ANK2: variants seen among roughly 807,000 people sequenced by gnomAD.
ANK2 encodes ankyrin-2.
In ANK2, 83 loss-of-function variants were observed where a neutral mutation model predicts 360.5. That is an observed-to-expected ratio of 0.23 (90% CI 0.19 to 0.28). ANK2 has a LOEUF of 0.28. Ranked by LOEUF, ANK2 falls within the 10% of genes least tolerant of loss-of-function variation. The probability of loss-of-function intolerance (pLI) is 1.00; values close to 1 mark genes in which losing one functional copy is unlikely to be tolerated. For synonymous variants in ANK2, 1,740 were observed against 1,759.5 expected, an observed-to-expected ratio of 0.99 and a Z score of 0.28; for missense variants, 4,201 against 4,795.7, an observed-to-expected ratio of 0.88 and a Z score of 3.66.
At chr4:112,935,069 G>A in intron 2 of ANK2, among the ~76,000 whole-genome samples, 1 of 151,932 alleles carries the variant, frequency 6.6e-6, no homozygotes, top group East Asian at 1.9e-4. Flanking sequence ...AGCATTCACT[G>A]TGGCTGGAGT....
the ANK2 span, among the ~76,000 whole-genome samples, chr4:112,773,266 G>A: frequency 6.6e-5 from 10 of 152,284 alleles, 1 homozygote; most frequent in South Asian, 4.1e-4. Flanking sequence ...GTGGTGAGCC[G>A]TGATCGTGCT....
chr4:113,379,864 G>A (rs1230307917), intron 45 of ANK2, among the ~76,000 whole-genome samples: 1 of 152,162 alleles, frequency 6.6e-6, no homozygotes, highest in Non-Finnish European at 1.5e-5. Flanking sequence ...CAAATGCATA[G>A]AGGTATTGGA....
chr4:112,885,796 CAAAAAA>C (rs750277917), intron 1 of ANK2, among the ~76,000 whole-genome samples: 17 of 26,972 alleles, frequency 6.3e-4, no homozygotes, highest in African/African-American at 1.6e-3. Context: ...GACTCTGTCT[CAAAAAA>C]AAAAAAAAAA....
chr4:113,348,872 C>T (rs898125094), intron 36 of ANK2, among the ~76,000 whole-genome samples: 1 of 152,044 alleles, frequency 6.6e-6, no homozygotes, highest in Non-Finnish European at 1.5e-5. Context: ...TATCACACAC[C>T]ATCGGAAGTT....
At chr4:113,161,834 A>T (rs1014010630) in intron 1 of ANK2, among the ~76,000 whole-genome samples, 1 of 152,240 alleles carries the variant, frequency 6.6e-6, no homozygotes, top group East Asian at 1.9e-4. Context: ...CAGGGGCATT[A>T]CAAGAGGCCC....
the ANK2 span, among the ~76,000 whole-genome samples, chr4:112,713,940 A>AC: frequency 4.9e-4 from 74 of 151,202 alleles, no homozygotes; most frequent in Non-Finnish European, 8.7e-4. Context: ...TCTCAAAAAA[A>AC]AAAACAAAAA....
At chr4:112,770,631 G>C in the ANK2 span, among the ~76,000 whole-genome samples, 5 of 151,928 alleles carry the variant, frequency 3.3e-5, no homozygotes, top group Non-Finnish European at 7.4e-5. Context: ...GCTTGAACTT[G>C]GGAGGCAGAG....
intron 26 of ANK2, among the ~76,000 whole-genome samples, chr4:113,324,926 C>T (rs1330673154): frequency 6.6e-6 from 1 of 152,142 alleles, no homozygotes; most frequent in African/African-American, 2.4e-5. Context: ...GGATGTAGTC[C>T]TCAAATGACT....
At chr4:113,241,124 A>C (rs2039610725) in intron 8 of ANK2, among the ~76,000 whole-genome samples, 1 of 152,252 alleles carries the variant, frequency 6.6e-6, no homozygotes, top group Non-Finnish European at 1.5e-5. Context: ...CTTAATATAC[A>C]GTTAATGCAG....
At chr4:113,309,480 C>T (rs988570902) in intron 23 of ANK2, among the ~76,000 whole-genome samples, 1 of 152,098 alleles carries the variant, frequency 6.6e-6, no homozygotes, top group Non-Finnish European at 1.5e-5. Flanking sequence ...AGGAACTCAG[C>T]GTAATCAGAG....
the ANK2 span, among the ~76,000 whole-genome samples, chr4:112,778,527 A>G: frequency 6.6e-6 from 1 of 152,222 alleles, no homozygotes; most frequent in Non-Finnish European, 1.5e-5. Flanking sequence ...GGAGGATACA[A>G]TGAAATCCAT....
chr4:113,339,226 G>A lies in ANK2; in HGVS notation c.3797G>A (p.Gly1266Asp). ...TTTTTCAACAATCATATTATTTCAGGTGGAACCACCCCTGCCCAGTGGGAA... is the reference window on the plus strand; with the variant it reads ...TTTTTCAACAATCATATTATTTCAGATGGAACCACCCCTGCCCAGTGGGAA... ...PTLRLLCSIT[G>D]GTTPAQWEDI... The change falls in exon 32 of 46, where the codon GGT becomes GAT. Residue 1266 changes from glycine (G) to aspartate (D), a missense_variant and splice_region_variant. By Grantham distance (94) the Gly-to-Asp change is moderately conservative. Transcript: ENST00000357077. The A allele has an allele frequency of 6.2e-7, 1 of 1,611,830 alleles. No homozygotes were observed. Among genetic ancestry groups the A allele is most frequent in the Non-Finnish European group, 8.5e-7 (1 of 1,178,340 alleles).
chr4:113,333,510 T>G (rs1448007811), intron 29 of ANK2, among the ~76,000 whole-genome samples: 1 of 152,184 alleles, frequency 6.6e-6, no homozygotes, highest in Admixed American at 6.5e-5. Flanking sequence ...TAAACTTTTT[T>G]GAGCCGAAAA....
chr4:113,145,808 C>T (rs2096807243), intron 1 of ANK2: 5 of 1,279,060 alleles, frequency 3.9e-6, no homozygotes, highest in South Asian at 1.3e-5. Flanking sequence ...CCCCTGGGAG[C>T]CCTGGACAGA....
At chr4:112,876,149 T>G (rs1031313298) in intron 1 of ANK2, among the ~76,000 whole-genome samples, 1 of 152,104 alleles carries the variant, frequency 6.6e-6, no homozygotes, top group African/African-American at 2.4e-5. Context: ...TTTCAATGCT[T>G]TTATTCAGAT....
At chr4:113,310,048 C>G (rs949952497) in intron 23 of ANK2, among the ~76,000 whole-genome samples, 2 of 152,098 alleles carry the variant, frequency 1.3e-5, no homozygotes, top group African/African-American at 4.8e-5. Flanking sequence ...TTATCTTTAC[C>G]TTTCTCACCT....
intron 1 of ANK2, among the ~76,000 whole-genome samples, chr4:112,898,195 T>C (rs1482290493): frequency 6.6e-6 from 1 of 152,172 alleles, no homozygotes; most frequent in African/African-American, 2.4e-5. Context: ...CAATTAATAA[T>C]AAATTATTAT....
chr4:112,796,864 T>C, the ANK2 span, among the ~76,000 whole-genome samples: 2 of 152,218 alleles, frequency 1.3e-5, no homozygotes, highest in East Asian at 3.8e-4. Context: ...CATTATTATA[T>C]ATCCAACTCT....
At chr4:113,106,803 A>T (rs2093678943) in intron 1 of ANK2, 1 of 442,726 alleles carries the variant, frequency 2.3e-6, no homozygotes, top group African/African-American at 2.1e-5. Flanking sequence ...AAGCTGACAG[A>T]TTGGTTGACT....
Sources: gnomAD v4.1 joint callset for allele counts (sites outside exome capture counted in the v4.1 genomes callset) on GRCh38, gnomAD v4.1.1 for gene constraint, MANE v1.5 for transcripts, NCBI Gene and HGNC (gene_info 2026-07-23, HGNC 2026-07-21) for gene names.